RBMS3: variants seen among roughly 807,000 people sequenced by gnomAD.
RBMS3 encodes RNA binding motif single stranded interacting protein 3.
Under a neutral mutation model 66.8 loss-of-function variants are expected in RBMS3, and 27 were observed. The observed-to-expected ratio is 0.40, with a 90% CI of 0.30 to 0.56. The LOEUF (loss-of-function observed/expected upper bound fraction) is 0.56. Ranked by LOEUF, RBMS3 falls within the 20% of genes least tolerant of loss-of-function variation. The pLI is 0.40. For synonymous variants in RBMS3, 188 were observed against 183.0 expected (o/e 1.03, Z -0.22); for missense variants, 513 against 549.5 (o/e 0.93, Z 0.66).
intron 10 of RBMS3, among the ~76,000 whole-genome samples, chr3:29,909,663 A>G (rs2060469540): frequency 6.6e-6 from 1 of 152,130 alleles, no homozygotes; most frequent in African/African-American, 2.4e-5. Flanking sequence ...GCACCAACAC[A>G]TCTCCAGAGT....
intron 4 of RBMS3, among the ~76,000 whole-genome samples, chr3:29,708,369 C>T (rs6789532): frequency 0.079 from 11,997 of 152,124 alleles, 1,586 homozygotes; most frequent in African/African-American, 0.27. Flanking sequence ...ATTTCAGGGG[C>T]ATGGCTATTT....
chr3:29,619,140 G>A (rs1214520383), intron 4 of RBMS3, among the ~76,000 whole-genome samples: 2 of 151,854 alleles, frequency 1.3e-5, no homozygotes, highest in Admixed American at 6.6e-5. Flanking sequence ...AACAACACAC[G>A]CCAGGGCCTG....
At position 29,550,545 on chromosome 3, in the gene RBMS3, A is replaced by G. The variant is rs549430726; in HGVS notation, c.308-36569A>G. Among the ~76,000 whole-genome samples, 19 of 152,258 alleles carry G rather than the reference A, an allele frequency of 1.2e-4. No individual in the cohort carries two copies. In the South Asian group the frequency reaches 3.9e-3, roughly 32 times the overall value. On this transcript the variant is annotated intron_variant, in intron 3 of 14. Transcript: ENST00000383767. ...AGTAAAATAATTCAGCGTATAGTGTATAATATTTATAATGTAACATAAGAC... is the reference window on the plus strand; with the variant it reads ...AGTAAAATAATTCAGCGTATAGTGTGTAATATTTATAATGTAACATAAGAC...
chr3:29,883,306 GTTCTGCC>G lies in RBMS3; in HGVS notation c.745-854_745-848del, dbSNP rs1306935749. ...ATCAGAAGACTTGGGTTGAAATCTG[GTTCTGCC>G]TCCAAATGTGTGACCTTGAGCAAGT... On this transcript the variant is annotated intron_variant, in intron 7 of 14. Coordinates refer to ENST00000383767, the MANE Select transcript of RBMS3 (RefSeq NM_001003793.3). 3.3e-5 allele frequency among the ~76,000 whole-genome samples: 5 copies of G among 152,116 alleles called. No homozygotes were observed. In the East Asian group the frequency reaches 7.8e-4, roughly 24 times the overall value.
chr3:29,503,619 A>T (rs965574460), intron 3 of RBMS3, among the ~76,000 whole-genome samples: 2 of 152,064 alleles, frequency 1.3e-5, no homozygotes, highest in African/African-American at 4.8e-5. Flanking sequence ...GGATTGTTTT[A>T]CTTCTCCAAC....
intron 4 of RBMS3, among the ~76,000 whole-genome samples, chr3:29,683,523 C>T (rs2051585975): frequency 6.6e-6 from 1 of 152,186 alleles, no homozygotes; most frequent in South Asian, 2.1e-4. Context: ...TTTAAGGAGA[C>T]ATGCCTATAA....
intron 2 of RBMS3, among the ~76,000 whole-genome samples, chr3:29,458,490 G>T (rs906117686): frequency 6.6e-6 from 1 of 152,026 alleles, no homozygotes; most frequent in Non-Finnish European, 1.5e-5. Flanking sequence ...CACAGTATTG[G>T]CATATAACCT....
At chr3:29,698,658 C>T (rs901404102) in intron 4 of RBMS3, 51 of 974,246 alleles carry the variant, frequency 5.2e-5, no homozygotes, top group Non-Finnish European at 6.2e-5. Context: ...CCCAAGTCTT[C>T]TCATTTGCTT....
At chr3:29,409,412 A>C (rs879814053) in intron 1 of RBMS3, among the ~76,000 whole-genome samples, 2 of 152,152 alleles carry the variant, frequency 1.3e-5, no homozygotes, top group Admixed American at 1.3e-4. Flanking sequence ...TGGGCCTGAA[A>C]TGACATATGT....
chr3:29,691,949 A>ATATTTTTTTTTTTTTT (rs2052036896), intron 4 of RBMS3, among the ~76,000 whole-genome samples: 1 of 65,012 alleles, frequency 1.5e-5, no homozygotes, highest in Non-Finnish European at 2.9e-5. Context: ...CTCTCTCTCT[A>ATATTTTTTTTTTTTTT]TTTTTTTTTT....
chr3:29,294,754 G>A (rs2125432050), intron 1 of RBMS3, among the ~76,000 whole-genome samples: 1 of 151,800 alleles, frequency 6.6e-6, no homozygotes, highest in Non-Finnish European at 1.5e-5. Flanking sequence ...GATGGTCTGA[G>A]TTTTCGGTCC....
At chr3:29,384,321 AAAACAAAC>A (rs914893409) in intron 1 of RBMS3, among the ~76,000 whole-genome samples, 22 of 152,050 alleles carry the variant, frequency 1.4e-4, no homozygotes, top group African/African-American at 5.3e-4. Context: ...GTCTCAGGAA[AAAACAAAC>A]AAACAAACAA....
At chr3:29,971,641 C>CTCAT (rs1169950389) in intron 12 of RBMS3, among the ~76,000 whole-genome samples, 1 of 152,070 alleles carries the variant, frequency 6.6e-6, no homozygotes, top group Non-Finnish European at 1.5e-5. Flanking sequence ...CATTCACTCA[C>CTCAT]TCATTCATTC....
At chr3:29,497,886 A>G (rs74335876) in intron 3 of RBMS3, among the ~76,000 whole-genome samples, 1 of 144,060 alleles carries the variant, frequency 6.9e-6, no homozygotes. Flanking sequence ...TTGGCCAGGT[A>G]TGTGTTCCAT....
rs2055352148 is a variant in RBMS3, at chr3:29,755,109, A to G, written c.558-7801A>G. The stretch of plus-strand genomic sequence containing the variant: ...AATGTATTCCAGAGTCATTAATGGT[A>G]TGACTTTTCTACACCTATGCTTAAT... On this transcript the variant is annotated intron_variant, in intron 5 of 14. Coordinates refer to ENST00000383767, the MANE Select transcript of RBMS3 (RefSeq NM_001003793.3). 2.0e-5 allele frequency among the ~76,000 whole-genome samples: 3 copies of G among 152,230 alleles called. 1 individual carries two copies. In the South Asian group the frequency reaches 6.2e-4, roughly 31 times the overall value.
At chr3:29,937,511 A>G (rs989628995) in intron 11 of RBMS3, among the ~76,000 whole-genome samples, 1 of 152,048 alleles carries the variant, frequency 6.6e-6, no homozygotes, top group African/African-American at 2.4e-5. Context: ...GAAAGTCAAT[A>G]TAATTTAATG....
chr3:29,356,966 A>T (rs866792695), intron 1 of RBMS3, among the ~76,000 whole-genome samples: 10 of 152,278 alleles, frequency 6.6e-5, no homozygotes, highest in Non-Finnish European at 1.2e-4. Context: ...CATATTATCC[A>T]TGCATGATTA....
intron 4 of RBMS3, among the ~76,000 whole-genome samples, chr3:29,670,004 G>GT (rs902338176): frequency 1.3e-5 from 2 of 152,072 alleles, no homozygotes; most frequent in Non-Finnish European, 2.9e-5. Flanking sequence ...GTCAGTTTTT[G>GT]TTTTTGTTTA....
chr3:29,776,728 G>A (rs762876762), intron 6 of RBMS3, among the ~76,000 whole-genome samples: 3 of 151,876 alleles, frequency 2.0e-5, no homozygotes, highest in East Asian at 1.9e-4. Context: ...AATAGTTGAC[G>A]TCTCTGAATG....
Sources: gnomAD v4.1 joint callset for allele counts (sites outside exome capture counted in the v4.1 genomes callset) on GRCh38, gnomAD v4.1.1 for gene constraint, MANE v1.5 for transcripts, NCBI Gene and HGNC (gene_info 2026-07-23, HGNC 2026-07-21) for gene names.